The following LINGO1 variants were observed in gnomAD, a reference collection of about 807,000 sequenced individuals.
The protein encoded by LINGO1 is leucine rich repeat and Ig domain containing 1, also known as leucine-rich repeat and immunoglobulin-like domain-containing nogo receptor-interacting protein 1.
LINGO1 carries 11 observed loss-of-function variants against 37.3 expected under a neutral mutation model. That is an observed-to-expected ratio of 0.29 (90% CI 0.19 to 0.49). The LOEUF (loss-of-function observed/expected upper bound fraction) is 0.49. LINGO1 is among the 20% of genes least tolerant of loss of function. The pLI, the probability that LINGO1 is intolerant of heterozygous loss-of-function variation, is 0.99. For synonymous variants in LINGO1, 387 were observed against 403.0 expected, an observed-to-expected ratio of 0.96 and a Z score of 0.48; for missense variants, 585 against 878.2, an observed-to-expected ratio of 0.67 and a Z score of 4.22.
At position 77,694,645 on chromosome 15, in the gene LINGO1, C is replaced by A. The variant is rs570003041; in HGVS notation, c.-281+1746G>T. 4.6e-5 allele frequency among the ~76,000 whole-genome samples: 7 copies of A among 152,340 alleles called. No homozygotes were observed. In the East Asian group the frequency reaches 1.3e-3, roughly 29 times the overall value. On this transcript the variant is annotated intron_variant, in intron 1 of 3. Coordinates refer to the LINGO1 transcript ENST00000559893. ...CCTCCCTGGTTACACAGGCCCTGAT[C>A]CTCCACTCTGTCCCCCTTTACCCCT...
At chr15:77,637,122 A>C (rs2074412095), upstream of LINGO1, among the ~76,000 whole-genome samples, 1 of 152,190 alleles carries the variant, frequency 6.6e-6, no homozygotes, top group Non-Finnish European at 1.5e-5. The surrounding 1 kb of genome is among the most constrained non-coding windows in gnomAD (Gnocchi z 4.6). Context: ...TCCCTCATCC[A>C]GTGCTGCCCA....
rs1346448767 is a variant in LINGO1, at chr15:77,614,699, T to C, written c.1208A>G (p.Gln403Arg). The change falls in exon 2 of 2, where the codon CAG becomes CGG. Residue 403 changes from glutamine to arginine, a missense_variant. Physicochemically the swap from Gln to Arg is conservative, Grantham distance 43. Coordinates refer to ENST00000355300, the MANE Select transcript of LINGO1 (RefSeq NM_032808.7). Reference sequence around the variant, plus strand: ...AGGGAAGTCCTTGAACTCCTTGCCCTGGACAAACTCGGGCGTGGCGCACGT... The same window carrying C: ...AGGGAAGTCCTTGAACTCCTTGCCCCGGACAAACTCGGGCGTGGCGCACGT... The part of the protein sequence containing the change: ...QPTCATPEFV[Q>R]GKEFKDFPDV... 1 of 1,610,848 alleles carries C rather than the reference T, an allele frequency of 6.2e-7. No individual in the cohort carries two copies. The highest frequency in any genetic ancestry group is 1.7e-5 in the Admixed American group (1 of 59,604).
chr15:77,665,788 G>C (rs1005027918), intron 3 of LINGO1, among the ~76,000 whole-genome samples: 1 of 152,172 alleles, frequency 6.6e-6, no homozygotes, highest in African/African-American at 2.4e-5. Flanking sequence ...TCAGACCCAG[G>C]GCCTTTGCAC....
intron 1 of LINGO1, among the ~76,000 whole-genome samples, chr15:77,743,822 G>A (rs551056931): frequency 1.3e-5 from 2 of 152,098 alleles, no homozygotes; most frequent in Non-Finnish European, 2.9e-5. Context: ...AGACTGCGGG[G>A]GTGGGGGAGT....
At chr15:77,773,524 C>T (rs150893845) in intron 1 of LINGO1, among the ~76,000 whole-genome samples, 129 of 152,238 alleles carry the variant, frequency 8.5e-4, no homozygotes, top group Non-Finnish European at 1.6e-3. Flanking sequence ...TGTGCCCCTC[C>T]ACCACCCTGG....
intron 1 of LINGO1, among the ~76,000 whole-genome samples, chr15:77,755,636 C>T (rs1363786350): frequency 6.6e-6 from 1 of 152,110 alleles, no homozygotes; most frequent in South Asian, 2.1e-4. Flanking sequence ...ACAGTTATAC[C>T]TTCTGGTTAA....
Position 77,644,442 on chromosome 15 carries a change from G to C in LINGO1, c.-12-28542C>G, listed in dbSNP as rs147199397. On this transcript the variant is annotated intron_variant, in intron 3 of 3. Coordinates refer to the LINGO1 transcript ENST00000559893. The stretch of plus-strand genomic sequence containing the variant: ...GAGGTGGTCGAGGAGGGGTACCCTG[G>C]TTCCAGGGGTCCCCAAACAGGCTTG... Among the ~76,000 whole-genome samples, 21 of 152,316 alleles carry C rather than the reference G, an allele frequency of 1.4e-4. 1 individual carries two copies. The East Asian group carries it at 4.1e-3, about 29-fold the overall frequency.
intron 2 of LINGO1, among the ~76,000 whole-genome samples, chr15:77,682,265 A>G (rs1249099629): frequency 7.9e-6 from 1 of 126,840 alleles, no homozygotes; most frequent in Non-Finnish European, 1.7e-5. Flanking sequence ...CTCATATGGC[A>G]GTAGAGATTA....
In LINGO1 at chr15:77,780,777, C is replaced by T. The variant is rs74025778; in HGVS notation, c.-257+6092G>A. ...CCACATAACACTTGCTCTCCTCCCC[C>T]CACCCCCACCATGTGAGGACACAGC... On this transcript the variant is annotated intron_variant, in intron 1 of 3. Coordinates refer to the LINGO1 transcript ENST00000561686. Among the ~76,000 whole-genome samples the T allele has an allele frequency of 1.9e-3, 287 of 151,958 alleles. 1 individual carries two copies. The highest frequency in any genetic ancestry group is 6.3e-3 in the African/African-American group (262 of 41,288).
intron 2 of LINGO1, among the ~76,000 whole-genome samples, chr15:77,715,658 G>A (rs2075974928): frequency 6.6e-6 from 1 of 152,228 alleles, no homozygotes; most frequent in Non-Finnish European, 1.5e-5. Context: ...TGCAGTAGGT[G>A]CCTACTAAAC....
Position 77,632,224 on chromosome 15 carries a change from G to A in LINGO1, c.6+86C>T, listed in dbSNP as rs1038849208. The A allele has an allele frequency of 7.8e-7, 1 of 1,279,600 alleles. No homozygotes were observed. Among genetic ancestry groups the A allele is most frequent in the Non-Finnish European group, 9.9e-7 (1 of 1,010,914 alleles). 79.3% of individuals were successfully genotyped at this position (1,279,600 alleles called of 1,614,324 possible). On this transcript the variant is annotated intron_variant, in intron 1 of 1. Transcript: ENST00000355300. This position sits in a 1 kb window ranked among gnomAD's most constrained non-coding sequence, Gnocchi z 6.0. ...ACCGAGGTGCCCTGCAACCCCAGGA[G>A]GGCGCAGCCAGGGCCGATGGCGGCC...
intron 3 of LINGO1, among the ~76,000 whole-genome samples, chr15:77,649,481 C>T (rs963940813): frequency 5.3e-5 from 8 of 152,102 alleles, no homozygotes; most frequent in East Asian, 3.9e-4. Flanking sequence ...GAAGTCACCA[C>T]GGAGAAACAG....
intron 3 of LINGO1, among the ~76,000 whole-genome samples, chr15:77,657,055 G>A (rs1258949579): frequency 6.6e-6 from 1 of 152,160 alleles, no homozygotes; most frequent in Admixed American, 6.5e-5. Flanking sequence ...CCAGCTGTGT[G>A]GACTCTTGGT....
intron 3 of LINGO1, among the ~76,000 whole-genome samples, chr15:77,675,473 C>T (rs947262775): frequency 2.0e-4 from 31 of 152,090 alleles, no homozygotes; most frequent in African/African-American, 7.2e-4. Context: ...TGGAAGGACC[C>T]GGGATGATCC....
chr15:77,640,569 C>T (rs574170679), intron 3 of LINGO1, among the ~76,000 whole-genome samples: 5 of 152,252 alleles, frequency 3.3e-5, no homozygotes, highest in Non-Finnish European at 7.4e-5. Context: ...GCAACTTCCC[C>T]AGGTCACACT....
At chr15:77,666,389 G>A (rs1387321755) in intron 3 of LINGO1, among the ~76,000 whole-genome samples, 1 of 152,198 alleles carries the variant, frequency 6.6e-6, no homozygotes, top group African/African-American at 2.4e-5. Context: ...GGGAGCCATG[G>A]GGCCTGCGTA....
chr15:77,810,202 A>G (rs1486611563), intron 1 of LINGO1, among the ~76,000 whole-genome samples: 1 of 151,666 alleles, frequency 6.6e-6, no homozygotes, highest in Non-Finnish European at 1.5e-5. Context: ...CCTCTCGGGT[A>G]AGTAACTAGG....
At chr15:77,675,515 C>G (rs964198846) in intron 3 of LINGO1, among the ~76,000 whole-genome samples, 1 of 152,116 alleles carries the variant, frequency 6.6e-6, no homozygotes. Context: ...AAATCAAGTG[C>G]TGGAGCAATA....
intron 3 of LINGO1, among the ~76,000 whole-genome samples, chr15:77,639,529 C>T (rs949688596): frequency 5.3e-5 from 8 of 151,936 alleles, no homozygotes; most frequent in South Asian, 2.1e-4. Context: ...CAGAGGAGCG[C>T]GCATGGCAGG....
Sources: allele counts gnomAD v4.1 joint callset (sites outside exome capture counted in the v4.1 genomes callset), GRCh38; gene constraint gnomAD v4.1.1; non-coding constraint Gnocchi (gnomAD v3.1); transcripts MANE v1.5; gene names NCBI Gene and HGNC (gene_info 2026-07-23, HGNC 2026-07-21).